LRMDA: variants seen among roughly 807,000 people sequenced by gnomAD.
LRMDA encodes leucine rich melanocyte differentiation associated.
Under a neutral mutation model 29.8 loss-of-function variants are expected in LRMDA, and 18 were observed. The observed-to-expected ratio is 0.60, with a 90% CI of 0.42 to 0.90. The LOEUF (loss-of-function observed/expected upper bound fraction) is 0.90, where lower values mean the gene tolerates loss of function less well. Among genes scored for constraint, LRMDA ranks in the 40% least tolerant of loss-of-function variants. LRMDA has a pLI of 0.00. For synonymous variants in LRMDA, 125 were observed against 109.4 expected (o/e 1.14, Z -0.89); for missense variants, 273 against 273.9 (o/e 1.00, Z 0.02).
intron 5 of LRMDA, among the ~76,000 whole-genome samples, chr10:76,090,352 ATTGT>A (rs1849210846): frequency 6.6e-6 from 1 of 152,120 alleles, no homozygotes; most frequent in South Asian, 2.1e-4. Context: ...CAGCCATTTC[ATTGT>A]TTGGTTGCTT....
At chr10:75,574,287 A>G (rs1564804358) in intron 2 of LRMDA, among the ~76,000 whole-genome samples, 1 of 151,954 alleles carries the variant, frequency 6.6e-6, no homozygotes, top group South Asian at 2.1e-4. Flanking sequence ...CTCTCTCTCA[A>G]TGCTCTTCTA....
chr10:76,148,281 G>T (rs868088374), intron 5 of LRMDA, among the ~76,000 whole-genome samples: 1 of 152,224 alleles, frequency 6.6e-6, no homozygotes, highest in Non-Finnish European at 1.5e-5. Context: ...CCTGCCCCCA[G>T]AGGTGGAGCC....
At chr10:75,465,376 G>A (rs775582863) in intron 2 of LRMDA, among the ~76,000 whole-genome samples, 1 of 152,156 alleles carries the variant, frequency 6.6e-6, no homozygotes, top group Non-Finnish European at 1.5e-5. Context: ...TCTATCTTGT[G>A]TTTATCCATA....
intron 2 of LRMDA, among the ~76,000 whole-genome samples, chr10:75,998,605 G>A (rs1034610647): frequency 3.3e-5 from 5 of 152,292 alleles, no homozygotes; most frequent in East Asian, 1.9e-4. Flanking sequence ...ACACGTCTTC[G>A]TGGGGTTAGG....
intron 2 of LRMDA, among the ~76,000 whole-genome samples, chr10:75,708,134 T>A (rs1842391785): frequency 6.6e-6 from 1 of 152,174 alleles, no homozygotes; most frequent in Non-Finnish European, 1.5e-5. Flanking sequence ...GATTATTATT[T>A]ATTTGTCATC....
intron 2 of LRMDA, among the ~76,000 whole-genome samples, chr10:75,827,495 T>C (rs1389484238): frequency 6.6e-6 from 1 of 152,218 alleles, no homozygotes; most frequent in Non-Finnish European, 1.5e-5. Flanking sequence ...TGGTCTCTTA[T>C]GGAAGCATGT....
intron 2 of LRMDA, among the ~76,000 whole-genome samples, chr10:76,010,816 C>T (rs748223425): frequency 2.6e-5 from 4 of 152,210 alleles, no homozygotes; most frequent in African/African-American, 4.8e-5. Context: ...GCCACAGGAA[C>T]GGGAGGAGGA....
intron 2 of LRMDA, among the ~76,000 whole-genome samples, chr10:75,600,389 A>G (rs1840867427): frequency 6.6e-6 from 1 of 152,124 alleles, no homozygotes; most frequent in Non-Finnish European, 1.5e-5. Flanking sequence ...CCTCCCTTAA[A>G]CCTGGCAGCC....
At chr10:75,972,068 T>A (rs928852877) in intron 2 of LRMDA, among the ~76,000 whole-genome samples, 1 of 152,216 alleles carries the variant, frequency 6.6e-6, no homozygotes, top group Non-Finnish European at 1.5e-5. Context: ...GGGAGTGAGA[T>A]CTGGCTCTTG....
chr10:76,006,625 G>A (rs969287697), intron 2 of LRMDA, among the ~76,000 whole-genome samples: 3 of 152,060 alleles, frequency 2.0e-5, no homozygotes, highest in South Asian at 2.1e-4. Context: ...TAGACTGCTC[G>A]AAAGGCCAAA....
At chr10:76,006,731 C>T (rs921139578) in intron 2 of LRMDA, among the ~76,000 whole-genome samples, 1 of 151,990 alleles carries the variant, frequency 6.6e-6, no homozygotes, top group Non-Finnish European at 1.5e-5. Flanking sequence ...AAAGGGGAAT[C>T]GAAATTATTA....
intron 2 of LRMDA, among the ~76,000 whole-genome samples, chr10:76,022,515 G>A (rs559412314): frequency 8.5e-5 from 13 of 152,322 alleles, no homozygotes; most frequent in South Asian, 6.2e-4. Context: ...AAACACAAAT[G>A]TAGGGCCAAG....
chr10:75,887,193 TAAC>T (rs988032672), intron 2 of LRMDA, among the ~76,000 whole-genome samples: 18 of 150,802 alleles, frequency 1.2e-4, no homozygotes, highest in African/African-American at 3.4e-4. Context: ...ATGTAAATAA[TAAC>T]AAAATAATAT....
chr10:75,820,592 G>A (rs1349245778), intron 2 of LRMDA, among the ~76,000 whole-genome samples: 1 of 151,784 alleles, frequency 6.6e-6, no homozygotes, highest in African/African-American at 2.4e-5. Context: ...CTTATACCTA[G>A]AAAAACAAGA....
intron 2 of LRMDA, among the ~76,000 whole-genome samples, chr10:75,908,001 TG>T (rs1845784930): frequency 6.6e-6 from 1 of 152,170 alleles, no homozygotes; most frequent in Admixed American, 6.5e-5. Context: ...TCATCCATGG[TG>T]GTGATGAGTT....
intron 5 of LRMDA, among the ~76,000 whole-genome samples, chr10:76,265,584 G>A (rs1174914975): frequency 4.6e-5 from 7 of 152,158 alleles, no homozygotes; most frequent in Admixed American, 4.6e-4. Flanking sequence ...ACAAGCACAG[G>A]CGAGGCTTGG....
At chr10:76,092,584 T>C (rs1849247650) in intron 5 of LRMDA, among the ~76,000 whole-genome samples, 1 of 152,244 alleles carries the variant, frequency 6.6e-6, no homozygotes. Context: ...TACAACCACA[T>C]GCAACATCTG....
chr10:75,656,995 A>C (rs1369313403), intron 2 of LRMDA, among the ~76,000 whole-genome samples: 1 of 152,200 alleles, frequency 6.6e-6, no homozygotes, highest in African/African-American at 2.4e-5. Flanking sequence ...AGCCAGCCCG[A>C]GAGACAATAA....
chr10:75,457,804 G>A (rs1197147364), intron 2 of LRMDA, among the ~76,000 whole-genome samples: 1 of 152,210 alleles, frequency 6.6e-6, no homozygotes, highest in Non-Finnish European at 1.5e-5. Flanking sequence ...GTGTTTCTGG[G>A]TTCCAGGGGA....
Sources: allele counts gnomAD v4.1 joint callset (sites outside exome capture counted in the v4.1 genomes callset), GRCh38; gene constraint gnomAD v4.1.1; transcripts MANE v1.5; gene names NCBI Gene and HGNC (gene_info 2026-07-23, HGNC 2026-07-21).